ZSWIM6: variants seen among roughly 807,000 people sequenced by gnomAD.
ZSWIM6 encodes the protein zinc finger SWIM domain-containing protein 6.
Under a neutral mutation model 113.2 loss-of-function variants are expected in ZSWIM6, and 9 were observed. That is an observed-to-expected ratio of 0.08 (90% confidence interval 0.05 to 0.14). The LOEUF (loss-of-function observed/expected upper bound fraction) is 0.14, where lower values mean the gene tolerates loss of function less well. ZSWIM6 is among the 10% of genes least tolerant of loss of function. ZSWIM6 has a pLI of 1.00. For synonymous variants in ZSWIM6, 611 were observed against 606.5 expected, an observed-to-expected ratio of 1.01 and a Z score of -0.11; for missense variants, 1,162 against 1,552.2, an observed-to-expected ratio of 0.75 and a Z score of 4.22.
intron 4 of ZSWIM6, among the ~76,000 whole-genome samples, chr5:61,496,242 G>T (rs553329189): frequency 5.9e-5 from 9 of 152,188 alleles, no homozygotes; most frequent in African/African-American, 2.2e-4. Flanking sequence ...TTCTCGTCCT[G>T]TGTGCCCCCC....
intron 1 of ZSWIM6, among the ~76,000 whole-genome samples, chr5:61,394,839 C>T (rs1384134422): frequency 2.6e-5 from 4 of 152,112 alleles, no homozygotes; most frequent in African/African-American, 9.7e-5. Flanking sequence ...AGATTCTGCA[C>T]AGCTGCTACA....
chr5:61,511,936 T>A (rs1349811456), intron 4 of ZSWIM6, among the ~76,000 whole-genome samples: 1 of 152,278 alleles, frequency 6.6e-6, no homozygotes, highest in South Asian at 2.1e-4. Context: ...AATGGGAATA[T>A]GATTATTTAA....
At chr5:61,346,584 T>C (rs925400058) in intron 1 of ZSWIM6, among the ~76,000 whole-genome samples, 6 of 152,244 alleles carry the variant, frequency 3.9e-5, no homozygotes, top group African/African-American at 1.4e-4. Context: ...ACGTTTTGTT[T>C]AGGTGAGTCA....
At chr5:61,333,910 G>A (rs901816996) in intron 1 of ZSWIM6, among the ~76,000 whole-genome samples, 1 of 152,120 alleles carries the variant, frequency 6.6e-6, no homozygotes, top group Non-Finnish European at 1.5e-5. Flanking sequence ...AAAGGGGCGA[G>A]CGGGCTGCAG....
intron 3 of ZSWIM6, among the ~76,000 whole-genome samples, chr5:61,492,778 G>C (rs1295241756): frequency 2.0e-5 from 3 of 152,068 alleles, no homozygotes; most frequent in African/African-American, 7.2e-5. Context: ...TTCTAAAGCA[G>C]GTGAGGAATT....
intron 1 of ZSWIM6, among the ~76,000 whole-genome samples, chr5:61,364,118 C>A (rs1172276333): frequency 1.3e-5 from 2 of 151,798 alleles, no homozygotes; most frequent in African/African-American, 4.8e-5. Flanking sequence ...GATCACAGCT[C>A]ACTGCAGTAC....
chr5:61,339,894 T>A (rs939861370), intron 1 of ZSWIM6, among the ~76,000 whole-genome samples: 4 of 152,236 alleles, frequency 2.6e-5, no homozygotes, highest in Admixed American at 2.6e-4. Flanking sequence ...AACCACGAAC[T>A]GTTTCCCTCT....
intron 1 of ZSWIM6, among the ~76,000 whole-genome samples, chr5:61,336,156 T>G (rs997302646): frequency 6.6e-6 from 1 of 151,986 alleles, no homozygotes; most frequent in Non-Finnish European, 1.5e-5. Context: ...CCCAGCTACT[T>G]GGGAGGCTGA....
chr5:61,438,510 A>G (rs1746759697), intron 1 of ZSWIM6, among the ~76,000 whole-genome samples: 1 of 152,230 alleles, frequency 6.6e-6, no homozygotes, highest in African/African-American at 2.4e-5. Context: ...GCCTTCTGTT[A>G]CAGACAACAC....
chr5:61,473,741 A>G (rs539122404), intron 2 of ZSWIM6, among the ~76,000 whole-genome samples: 118 of 152,314 alleles, frequency 7.7e-4, no homozygotes, highest in African/African-American at 2.6e-3. Context: ...CTTTTAAAAC[A>G]TTTGGACATA....
At chr5:61,400,240 A>T (rs2112102310) in intron 1 of ZSWIM6, among the ~76,000 whole-genome samples, 1 of 152,282 alleles carries the variant, frequency 6.6e-6, no homozygotes, top group Non-Finnish European at 1.5e-5. Flanking sequence ...TTTATGTGAC[A>T]AATCTTTAGA....
rs563646906 is a variant in ZSWIM6 at position 61,402,598 on chromosome 5, A to T, written c.676+69650A>T. ...TAACCAAATGAAGGTGTTTTTAATG[A>T]CTAACTTTCTTCAGAGAATAAGATA... On this transcript the variant is annotated intron_variant, in intron 1 of 13. Coordinates refer to ENST00000252744, the MANE Select transcript of ZSWIM6 (RefSeq NM_020928.2). 2.5e-4 allele frequency among the ~76,000 whole-genome samples: 38 copies of T among 151,974 alleles called. 1 individual carries two copies. The South Asian group carries it at 6.0e-3, about 24-fold the overall frequency.
At chr5:61,489,722 C>A (rs996436933) in intron 2 of ZSWIM6, among the ~76,000 whole-genome samples, 1 of 152,076 alleles carries the variant, frequency 6.6e-6, no homozygotes, top group Non-Finnish European at 1.5e-5. Flanking sequence ...GCTATTCTAT[C>A]TCCAAGTCTA....
chr5:61,454,887 G>GTT (rs11325786), intron 1 of ZSWIM6, among the ~76,000 whole-genome samples: 2 of 138,340 alleles, frequency 1.4e-5, no homozygotes, highest in Non-Finnish European at 3.2e-5. Flanking sequence ...CCCAGTGAAG[G>GTT]TTTTTTTTTT....
At chr5:61,347,686 T>C (rs6449529) in intron 1 of ZSWIM6, 89,409 of 152,052 alleles carry the variant, frequency 0.59, 28,921 homozygotes, top group African/African-American at 0.86. Context: ...ACCACAAAGA[T>C]GTGGAAGAAA....
intron 1 of ZSWIM6, among the ~76,000 whole-genome samples, chr5:61,398,131 G>A (rs1472157390): frequency 6.6e-6 from 1 of 152,026 alleles, no homozygotes; most frequent in Non-Finnish European, 1.5e-5. Flanking sequence ...TCACAGCAGG[G>A]GTCCCCAACC....
chr5:61,532,058 A>C (rs1211578474), intron 9 of ZSWIM6, among the ~76,000 whole-genome samples: 2 of 152,194 alleles, frequency 1.3e-5, no homozygotes, highest in African/African-American at 4.8e-5. Flanking sequence ...TTAGTGCATT[A>C]TTATTGGCAG....
chr5:61,530,697 C>T (rs1749407573), intron 8 of ZSWIM6, among the ~76,000 whole-genome samples: 2 of 152,128 alleles, frequency 1.3e-5, no homozygotes, highest in Admixed American at 6.5e-5. Flanking sequence ...TTCACTTTGG[C>T]CCATTGAAAC....
intron 1 of ZSWIM6, among the ~76,000 whole-genome samples, chr5:61,463,158 G>T (rs1747352827): frequency 6.6e-6 from 1 of 152,090 alleles, no homozygotes; most frequent in Admixed American, 6.6e-5. Context: ...GATTTTTAAT[G>T]AAGATTTTAC....
Sources: gnomAD v4.1 joint callset for allele counts (sites outside exome capture counted in the v4.1 genomes callset) on GRCh38, gnomAD v4.1.1 for gene constraint, MANE v1.5 for transcripts, NCBI Gene and HGNC (gene_info 2026-07-23, HGNC 2026-07-21) for gene names.